SPATS1: variants seen among roughly 807,000 people sequenced by gnomAD.
SPATS1 encodes spermatogenesis-associated serine-rich protein 1.
A neutral mutation model predicts 33.6 loss-of-function variants in SPATS1; 23 were observed. That is an observed-to-expected ratio of 0.68 (90% CI 0.49 to 0.97). SPATS1 has a LOEUF of 0.97. Ranked by LOEUF, SPATS1 falls within the 50% of genes least tolerant of loss-of-function variation. SPATS1 has a pLI of 0.00. For synonymous variants in SPATS1, 131 were observed against 125.6 expected (o/e 1.04, Z -0.29); for missense variants, 327 against 361.0 (o/e 0.91, Z 0.76).
intron 5 of SPATS1, among the ~76,000 whole-genome samples, chr6:44,367,648 G>A (rs924384544): frequency 5.9e-5 from 9 of 152,230 alleles, no homozygotes; most frequent in Admixed American, 3.3e-4. Flanking sequence ...GATGAGTCTC[G>A]TAGTCCAGGC....
chr6:44,376,063 G>A (rs965657575), intron 7 of SPATS1, among the ~76,000 whole-genome samples: 6 of 151,812 alleles, frequency 4.0e-5, no homozygotes, highest in Admixed American at 1.3e-4. Flanking sequence ...CTGAGATTGT[G>A]CCACTGCATT....
In SPATS1 at chr6:44,376,461, C is replaced by G; in HGVS notation, c.862C>G (p.Leu288Val). ...WQPAVPLMHM[L>V]HLSGALDFPR... ...GCCAGCAGTGCCCTTAATGCACATG[C>G]TACACCTTTCTGGTGGGTTAAAGAA... Residue 288 changes from leucine (L) to valine (V), a missense_variant, in exon 8 of 9, where the codon CTA becomes GTA. Physicochemically the swap from Leu to Val is conservative, Grantham distance 32. Coordinates refer to ENST00000674044, the MANE Select transcript of SPATS1 (RefSeq NM_001372081.1). The G allele has an allele frequency of 6.2e-7, 1 of 1,606,076 alleles. No homozygotes were observed. Among genetic ancestry groups the G allele is most frequent in the Non-Finnish European group, 8.5e-7 (1 of 1,175,746 alleles).
chr6:44,361,714 C>A, intron 4 of SPATS1, 117 bp from the exon 5 acceptor site: 1 of 1,378,446 alleles, frequency 7.3e-7, no homozygotes, highest in Non-Finnish European at 1.0e-6. Context: ...GGATTATACA[C>A]ATTAATTAAA....
At chr6:44,367,452 T>C (rs1299103621) in intron 5 of SPATS1, among the ~76,000 whole-genome samples, 3 of 152,208 alleles carry the variant, frequency 2.0e-5, no homozygotes, top group African/African-American at 7.2e-5. Context: ...TAATCAAAAG[T>C]GTAATACAGT....
intron 3 of SPATS1, among the ~76,000 whole-genome samples, chr6:44,356,243 G>A (rs866455932): frequency 3.9e-4 from 60 of 152,126 alleles, no homozygotes; most frequent in Middle Eastern, 3.4e-3. Context: ...GTCTCCTGCC[G>A]CTCATCCAAT....
intron 5 of SPATS1, among the ~76,000 whole-genome samples, chr6:44,366,127 A>ATATT (rs1263721754): frequency 7.1e-6 from 1 of 141,448 alleles, no homozygotes; most frequent in African/African-American, 2.6e-5. Flanking sequence ...ATATATATAT[A>ATATT]TTTTTTTTTT....
chr6:44,364,147 C>T (rs1789101775), intron 5 of SPATS1, among the ~76,000 whole-genome samples: 1 of 152,194 alleles, frequency 6.6e-6, no homozygotes. Context: ...CATATTATTT[C>T]ATCTCTAAAT....
intron 2 of SPATS1, among the ~76,000 whole-genome samples, chr6:44,346,682 C>G (rs963970303): frequency 1.3e-5 from 2 of 152,178 alleles, no homozygotes; most frequent in Non-Finnish European, 2.9e-5. Flanking sequence ...CCTTGTCCAG[C>G]CTGTTTTTAA....
At chr6:44,352,682 T>C in intron 2 of SPATS1, 44 bp from the exon 3 acceptor site, 1 of 1,571,586 alleles carries the variant, frequency 6.4e-7, no homozygotes, top group Non-Finnish European at 8.7e-7. Flanking sequence ...GGGTGGAATG[T>C]ATTTTCAATA....
At position 44,360,445 on chromosome 6, in the gene SPATS1, G is replaced by T. The variant is rs374774066; in HGVS notation, c.288-1G>T. On this transcript the variant is annotated splice_acceptor_variant, in intron 3 of 8. Transcript: ENST00000674044. LOFTEE classifies it high-confidence loss of function. ...GAAGAATCCTTCTGCTTTCTTTCCA[G>T]CACCACTGCTGACTTGGATCGGAAA... 6.2e-7 allele frequency: 1 copy of T among 1,613,950 alleles called. No homozygotes were observed. Among genetic ancestry groups the T allele is most frequent in the Non-Finnish European group, 8.5e-7 (1 of 1,180,000 alleles).
chr6:44,349,449 T>C (rs1788105503), intron 2 of SPATS1, among the ~76,000 whole-genome samples: 1 of 152,222 alleles, frequency 6.6e-6, no homozygotes, highest in Admixed American at 6.5e-5. Flanking sequence ...GATTTAGGAA[T>C]GCCTTAACCA....
Position 44,378,771 on chromosome 6 carries a change from CA to C in SPATS1, c.*1713del. The C allele has an allele frequency of 6.6e-6, 1 of 152,530 alleles. No individual in the cohort carries two copies. Among genetic ancestry groups the C allele is most frequent in the Non-Finnish European group, 1.5e-5 (1 of 68,326 alleles). 9.4% of individuals were successfully genotyped at this position (152,530 alleles called of 1,614,324 possible). A position where few individuals can be genotyped will look rare whatever the true frequency, so the allele number is the denominator to read the frequency against. On this transcript the variant is annotated 3_prime_UTR_variant, in exon 9 of 9. Transcript: ENST00000674044. ...GGGCGACAAGAGCGAAACTCCATCC[CA>C]AAAACAAAGAAGCAAACAAAAACCA...
chr6:44,366,130 T>TACA (rs200766077), intron 5 of SPATS1, among the ~76,000 whole-genome samples: 1 of 140,126 alleles, frequency 7.1e-6, no homozygotes, highest in Admixed American at 7.2e-5. Flanking sequence ...TATATATATT[T>TACA]TTTTTTTTTT....
chr6:44,372,506 A>T (rs1789688393), intron 7 of SPATS1, among the ~76,000 whole-genome samples: 1 of 151,710 alleles, frequency 6.6e-6, no homozygotes, highest in African/African-American at 2.4e-5. Flanking sequence ...CTTTGTCACC[A>T]GGCTGGAGTG....
intron 3 of SPATS1, among the ~76,000 whole-genome samples, chr6:44,356,196 A>G (rs561373069): frequency 6.6e-6 from 1 of 152,250 alleles, no homozygotes; most frequent in East Asian, 1.9e-4. Flanking sequence ...CTCAGTATTC[A>G]TACAGCTCCA....
intron 5 of SPATS1, among the ~76,000 whole-genome samples, chr6:44,367,582 G>A (rs1470510220): frequency 6.6e-6 from 1 of 152,228 alleles, no homozygotes; most frequent in Non-Finnish European, 1.5e-5. Flanking sequence ...CTGGGTGTGT[G>A]GCAAAGATGG....
At chr6:44,343,384 A>C in intron 2 of SPATS1, 150 bp downstream of exon 2, 1 of 887,796 alleles carries the variant, frequency 1.1e-6, no homozygotes, top group Non-Finnish European at 1.8e-6. Context: ...ATAGTAGCTT[A>C]TGTTTGTGCT....
intron 5 of SPATS1, among the ~76,000 whole-genome samples, chr6:44,365,210 A>G (rs188159217): frequency 1.3e-5 from 2 of 152,354 alleles, no homozygotes; most frequent in Non-Finnish European, 2.9e-5. Context: ...ATCTTTAAAT[A>G]ATGGTTGACT....
Position 44,377,038 on chromosome 6 carries a change from CT to C in SPATS1, c.881del (p.Leu294TrpfsTer33). 1 of 1,614,200 alleles carries C rather than the reference CT, an allele frequency of 6.2e-7. No homozygotes were observed. The highest frequency in any genetic ancestry group is 1.1e-5 in the South Asian group (1 of 91,088). ...AACTCCATGCCTCTATCCACAGGTGCTTTGGACTTTCCAAGACAATCCTGAG... is the reference window on the plus strand; with the variant it reads ...AACTCCATGCCTCTATCCACAGGTGCTTGGACTTTCCAAGACAATCCTGAG... ...PLMHMLHLSG[A>X]LDFPRQS On this transcript the variant is annotated frameshift_variant, in exon 9 of 9. Transcript: ENST00000674044. LOFTEE classifies it high-confidence loss of function.
Sources: gnomAD v4.1 joint callset for allele counts (sites outside exome capture counted in the v4.1 genomes callset) on GRCh38, gnomAD v4.1.1 for gene constraint, MANE v1.5 for transcripts, NCBI Gene and HGNC (gene_info 2026-07-23, HGNC 2026-07-21) for gene names.